WNT6: variants seen among roughly 807,000 people sequenced by gnomAD.
WNT6 encodes the protein Wnt family member 6.
Under a neutral mutation model 33.1 loss-of-function variants are expected in WNT6, and 27 were observed. That is an observed-to-expected ratio of 0.82 (90% CI 0.60 to 1.12). WNT6 has a LOEUF of 1.12. WNT6 is among the 50% of genes most tolerant of loss of function. The pLI is 0.00. For missense variants in WNT6, 494 were observed against 535.3 expected (o/e 0.92, Z 0.76); for synonymous variants, 249 against 242.8 (o/e 1.03, Z -0.24).
rs1362160477 is a variant in WNT6, at chr2:218,873,501, G to C, written c.754G>C (p.Glu252Gln). The part of the protein sequence containing the change: ...PFREVGARLL[E>Q]RFHGASRVMG... ...TCGCGAGGTGGGCGCGCGGCTGCTG[G>C]AGCGCTTCCACGGCGCCTCACGCGT... The change falls in exon 4 of 4, where the codon GAG (glutamate) becomes CAG (glutamine). Residue 252 changes from glutamate (E) to glutamine (Q), a missense_variant. Coordinates refer to ENST00000233948, the MANE Select transcript of WNT6 (RefSeq NM_006522.4). The surrounding 1 kb of genome is among the most constrained non-coding windows in gnomAD (Gnocchi z 6.1). 8 of 1,538,652 alleles carry C rather than the reference G, an allele frequency of 5.2e-6. No homozygotes were observed. The highest frequency in any genetic ancestry group is 4.1e-5 in the African/African-American group (3 of 73,130).
At position 218,871,600 on chromosome 2, in the gene WNT6, G is replaced by T; in HGVS notation, c.417G>T (p.Gly139=). The T allele has an allele frequency of 6.6e-7, 1 of 1,507,464 alleles. No homozygotes were observed. Among genetic ancestry groups the T allele is most frequent in the African/African-American group, 1.4e-5 (1 of 69,418 alleles). The allele number at this position is 1,507,464 out of a possible 1,614,324, so 93.4% of individuals were successfully genotyped here. A position where few individuals can be genotyped will look rare whatever the true frequency, so the allele number is the denominator to read the frequency against. The change falls in exon 3 of 4, where the codon GGG becomes GGT. Residue 139 remains glycine, a synonymous_variant. Transcript: ENST00000233948. The surrounding 1 kb of genome is among the most constrained non-coding windows in gnomAD (Gnocchi z 6.4). The part of the protein sequence containing the change: ...LLQCGCQAPR[G]RAPPRPSGLP... Reference sequence around the variant, plus strand: ...AGTGCGGCTGCCAGGCGCCCCGCGGGCGGGCCCCTCCCCGGCCCTCCGGCC... The same window carrying T: ...AGTGCGGCTGCCAGGCGCCCCGCGGTCGGGCCCCTCCCCGGCCCTCCGGCC...
chr2:218,863,768 G>A (rs1944330243), intron 1 of WNT6, among the ~76,000 whole-genome samples: 1 of 152,264 alleles, frequency 6.6e-6, no homozygotes. Context: ...AGAATCACTC[G>A]AACCTGGGAG....
At chr2:218,872,042 C>T (rs565119187) in intron 3 of WNT6, among the ~76,000 whole-genome samples, 2 of 151,680 alleles carry the variant, frequency 1.3e-5, no homozygotes, top group Non-Finnish European at 2.9e-5. Context: ...TCTGAGAAGG[C>T]CAGATGCTGG....
At chr2:218,866,018 G>A (rs1307075756) in intron 1 of WNT6, among the ~76,000 whole-genome samples, 1 of 152,032 alleles carries the variant, frequency 6.6e-6, no homozygotes, top group East Asian at 1.9e-4. Context: ...GTAGGGGCTG[G>A]GGGAGGGGAG....
chr2:218,873,238 TC>T lies in WNT6; in HGVS notation c.637-141del. 1 of 747,132 alleles carries T rather than the reference TC, an allele frequency of 1.3e-6. No homozygotes were observed. The highest frequency in any genetic ancestry group is 2.1e-6 in the Non-Finnish European group (1 of 472,124). 46.3% of individuals were successfully genotyped at this position (747,132 alleles called of 1,614,324 possible). On this transcript the variant is annotated intron_variant, in intron 3 of 3. Coordinates refer to ENST00000233948, the MANE Select transcript of WNT6 (RefSeq NM_006522.4). The surrounding 1 kb of genome is among the most constrained non-coding windows in gnomAD (Gnocchi z 6.1). ...CCGAGTTGTCCTTTCCTTGATTTCC[TC>T]CCCCTGAACTTGCGGTCTCCTTTTG...
intron 1 of WNT6, among the ~76,000 whole-genome samples, chr2:218,866,844 C>T (rs772475734): frequency 2.0e-5 from 3 of 152,118 alleles, no homozygotes; most frequent in African/African-American, 7.2e-5. Context: ...TTATTGTCTT[C>T]GATGAGTTTT....
intron 1 of WNT6, among the ~76,000 whole-genome samples, chr2:218,862,936 C>T (rs1033357918): frequency 6.6e-6 from 1 of 152,146 alleles, no homozygotes; most frequent in Admixed American, 6.5e-5. Flanking sequence ...AACTCCTGAC[C>T]TCAAGCAATC....
At position 218,871,430 on chromosome 2, in the gene WNT6, C is replaced by T; in HGVS notation, c.302-55C>T. 6.4e-7 allele frequency: 1 copy of T among 1,570,852 alleles called. No individual in the cohort carries two copies. The highest frequency in any genetic ancestry group is 1.1e-5 in the South Asian group (1 of 88,114). On this transcript the variant is annotated intron_variant, in intron 2 of 3. Coordinates refer to ENST00000233948, the MANE Select transcript of WNT6 (RefSeq NM_006522.4). The surrounding 1 kb of genome is among the most constrained non-coding windows in gnomAD (Gnocchi z 6.4). ...CCCTCCCGCCGCAGGTTTCAGGTCC[C>T]AGGCCCCAGCTGACCGCCCCAGCCC...
At chr2:218,870,509 C>T (rs1337775024) in intron 1 of WNT6, among the ~76,000 whole-genome samples, 1 of 152,192 alleles carries the variant, frequency 6.6e-6, no homozygotes, top group African/African-American at 2.4e-5. Flanking sequence ...TTCTCTCTCC[C>T]TGGGATTGTT....
intron 1 of WNT6, among the ~76,000 whole-genome samples, chr2:218,866,181 G>T (rs1462969996): frequency 1.3e-5 from 2 of 152,268 alleles, no homozygotes; most frequent in Non-Finnish European, 2.9e-5. Flanking sequence ...ACAGCCCCAG[G>T]GCTCAGGGCT....
chr2:218,872,681 T>A (rs1944413464), intron 3 of WNT6, among the ~76,000 whole-genome samples: 1 of 152,064 alleles, frequency 6.6e-6, no homozygotes, highest in African/African-American at 2.4e-5. Flanking sequence ...GCTTGGTGGG[T>A]TTGGGAATCT....
intron 3 of WNT6, among the ~76,000 whole-genome samples, chr2:218,872,811 G>A (rs1031716077): frequency 6.6e-6 from 1 of 152,056 alleles, no homozygotes; most frequent in South Asian, 2.1e-4. Flanking sequence ...CAGGGACATC[G>A]CCATACATAC....
In WNT6 at chr2:218,871,444, C is replaced by T; in HGVS notation, c.302-41C>T. On this transcript the variant is annotated intron_variant, in intron 2 of 3. Coordinates refer to ENST00000233948, the MANE Select transcript of WNT6 (RefSeq NM_006522.4). The surrounding 1 kb of genome is among the most constrained non-coding windows in gnomAD (Gnocchi z 6.4). The stretch of plus-strand genomic sequence containing the variant: ...GTTTCAGGTCCCAGGCCCCAGCTGA[C>T]CGCCCCAGCCCGCGCTGATTGCACC... 6 of 1,583,848 alleles carry T rather than the reference C, an allele frequency of 3.8e-6. No homozygotes were observed. Among genetic ancestry groups the T allele is most frequent in the African/African-American group, 1.3e-5 (1 of 74,668 alleles).
chr2:218,871,869 CGCA>C lies in WNT6; in HGVS notation c.636+52_636+54del, dbSNP rs1944405690. The stretch of plus-strand genomic sequence containing the variant: ...GTGTGTGCGGAAATGTGAGTGTGCG[CGCA>C]GGAGTGTGCTTGAGGAAGTGTTGGC... On this transcript the variant is annotated intron_variant, in intron 3 of 3. Transcript: ENST00000233948. This position sits in a 1 kb window ranked among gnomAD's most constrained non-coding sequence, Gnocchi z 6.4. The C allele has an allele frequency of 6.7e-7, 1 of 1,482,572 alleles. No homozygotes were observed. The highest frequency in any genetic ancestry group is 2.2e-5 in the Admixed American group (1 of 44,540). 91.8% of individuals were successfully genotyped at this position (1,482,572 alleles called of 1,614,324 possible).
At position 218,871,904 on chromosome 2, in the gene WNT6, G is replaced by A; in HGVS notation, c.636+85G>A. On this transcript the variant is annotated intron_variant, in intron 3 of 3. Transcript: ENST00000233948. This position sits in a 1 kb window ranked among gnomAD's most constrained non-coding sequence, Gnocchi z 6.4. The stretch of plus-strand genomic sequence containing the variant: ...TGCTTGAGGAAGTGTTGGCAGGAGT[G>A]AGGGTGTGTAGGTGGAGGGGGGCGT... 2 of 1,039,992 alleles carry A rather than the reference G, an allele frequency of 1.9e-6. No individual in the cohort carries two copies. The highest frequency in any genetic ancestry group is 2.5e-6 in the Non-Finnish European group (2 of 785,894). 64.4% of individuals were successfully genotyped at this position (1,039,992 alleles called of 1,614,324 possible).
intron 1 of WNT6, among the ~76,000 whole-genome samples, chr2:218,862,886 G>C (rs960823574): frequency 6.6e-6 from 1 of 151,334 alleles, no homozygotes; most frequent in Non-Finnish European, 1.5e-5. Context: ...TGTATGTTTA[G>C]TAGAGACGAG....
chr2:218,871,374 A>G lies in WNT6; in HGVS notation c.302-111A>G. The G allele has an allele frequency of 6.7e-7, 1 of 1,485,424 alleles. No individual in the cohort carries two copies. Among genetic ancestry groups the G allele is most frequent in the Non-Finnish European group, 9.1e-7 (1 of 1,096,086 alleles). 92.0% of individuals were successfully genotyped at this position (1,485,424 alleles called of 1,614,324 possible). A position where few individuals can be genotyped will look rare whatever the true frequency, so the allele number is the denominator to read the frequency against. On this transcript the variant is annotated intron_variant, in intron 2 of 3. Coordinates refer to ENST00000233948, the MANE Select transcript of WNT6 (RefSeq NM_006522.4). The surrounding 1 kb of genome is among the most constrained non-coding windows in gnomAD (Gnocchi z 6.4). ...CCTCACATGTGTCTGGGCACCCTGC[A>G]AGGACCCTGCCTCCCAGGCCCCTGG...
intron 1 of WNT6, among the ~76,000 whole-genome samples, chr2:218,860,884 G>T (rs1944301960): frequency 6.6e-6 from 1 of 151,712 alleles, no homozygotes; most frequent in South Asian, 2.1e-4. Context: ...TTCGAGCCTT[G>T]GGGGTGGGGG....
chr2:218,863,427 C>T (rs921067259), intron 1 of WNT6, among the ~76,000 whole-genome samples: 3 of 152,232 alleles, frequency 2.0e-5, no homozygotes, highest in Admixed American at 1.3e-4. Context: ...ACTCGACTGT[C>T]TTGGTCAGGA....
Sources: allele counts gnomAD v4.1 joint callset (sites outside exome capture counted in the v4.1 genomes callset), GRCh38; gene constraint gnomAD v4.1.1; non-coding constraint Gnocchi (gnomAD v3.1); transcripts MANE v1.5; gene names NCBI Gene and HGNC (gene_info 2026-07-23, HGNC 2026-07-21).